The following TMEM65 variants were observed in gnomAD, a reference collection of about 807,000 sequenced individuals.
The protein encoded by TMEM65 is transmembrane protein 65.
TMEM65 carries 22 observed loss-of-function variants against 25.4 expected under a neutral mutation model. The ratio of observed to expected loss-of-function variants is 0.86; its 90% CI spans 0.62 to 1.23. The LOEUF (loss-of-function observed/expected upper bound fraction) is 1.23. TMEM65 is among the 50% of genes most tolerant of loss of function. TMEM65 has a pLI of 0.00. For synonymous variants in TMEM65, 132 were observed against 126.2 expected (o/e 1.05, Z -0.31); for missense variants, 262 against 308.2 (o/e 0.85, Z 1.12).
chr8:124,322,263 A>C, intron 4 of TMEM65, 116 bp from the exon 5 acceptor site: 1 of 700,754 alleles, frequency 1.4e-6, no homozygotes, highest in Non-Finnish European at 2.3e-6. Context: ...AACAGCAACC[A>C]TATCCAAAGT....
chr8:124,314,192 T>G, intron 6 of TMEM65, 131 bp from the exon 7 acceptor site: 1 of 702,658 alleles, frequency 1.4e-6, no homozygotes, highest in South Asian at 1.7e-5. Flanking sequence ...TCTTCAATAT[T>G]TATCCCTGTG....
intron 3 of TMEM65, among the ~76,000 whole-genome samples, chr8:124,327,026 C>T (rs1429431283): frequency 6.6e-6 from 1 of 151,986 alleles, no homozygotes; most frequent in Admixed American, 6.6e-5. Context: ...TAATTGCCAA[C>T]ACCATTAAAG....
Position 124,323,310 on chromosome 8 carries a change from C to G in TMEM65, c.472+11G>C. ...TACAATGAAATAATAACATTTACTA[C>G]TGTTAAATACCTGCCATAGTTGAAA... On this transcript the variant is annotated intron_variant, in intron 4 of 6. Transcript: ENST00000297632. 7.1e-7 allele frequency: 1 copy of G among 1,409,180 alleles called. No individual in the cohort carries two copies. Among genetic ancestry groups the G allele is most frequent in the South Asian group, 1.3e-5 (1 of 78,852 alleles). The allele number at this position is 1,409,180 out of a possible 1,614,324, so 87.3% of individuals were successfully genotyped here. A position where few individuals can be genotyped will look rare whatever the true frequency, so the allele number is the denominator to read the frequency against.
intron 1 of TMEM65, among the ~76,000 whole-genome samples, chr8:124,359,630 T>C (rs1814834405): frequency 6.6e-6 from 1 of 151,654 alleles, no homozygotes; most frequent in Non-Finnish European, 1.5e-5. Context: ...TGATCCCAGC[T>C]ACTCAAAAGG....
intron 1 of TMEM65, among the ~76,000 whole-genome samples, chr8:124,333,386 T>C (rs1181627449): frequency 6.6e-6 from 1 of 152,048 alleles, no homozygotes; most frequent in African/African-American, 2.4e-5. Context: ...TATCTACACT[T>C]ACATTGGAAA....
At chr8:124,342,609 T>A (rs775258893) in intron 1 of TMEM65, among the ~76,000 whole-genome samples, 1 of 152,152 alleles carries the variant, frequency 6.6e-6, no homozygotes, top group Non-Finnish European at 1.5e-5. Flanking sequence ...ATAAATCCAA[T>A]GTTAAGCATG....
At chr8:124,359,420 G>C (rs745369964) in intron 1 of TMEM65, among the ~76,000 whole-genome samples, 27 of 152,156 alleles carry the variant, frequency 1.8e-4, no homozygotes, top group Non-Finnish European at 3.2e-4. Flanking sequence ...TTGATGTGCA[G>C]AAGTTTCTAA....
At chr8:124,363,942 T>C (rs1243776550) in intron 1 of TMEM65, among the ~76,000 whole-genome samples, 1 of 150,596 alleles carries the variant, frequency 6.6e-6, no homozygotes, top group Non-Finnish European at 1.5e-5. Flanking sequence ...TATTATCTAG[T>C]ACAACTTTAG....
chr8:124,327,713 T>C (rs1007844023), intron 2 of TMEM65, among the ~76,000 whole-genome samples: 1 of 151,310 alleles, frequency 6.6e-6, no homozygotes, highest in African/African-American at 2.4e-5. Context: ...CACAAATATA[T>C]ACATACAATT....
intron 1 of TMEM65, among the ~76,000 whole-genome samples, chr8:124,344,877 G>A (rs796760976): frequency 8.5e-5 from 13 of 152,154 alleles, no homozygotes; most frequent in African/African-American, 2.9e-4. Flanking sequence ...AACATGAAGA[G>A]AACATAAACG....
At chr8:124,336,505 T>C (rs1231041702) in intron 1 of TMEM65, among the ~76,000 whole-genome samples, 1 of 151,950 alleles carries the variant, frequency 6.6e-6, no homozygotes, top group Non-Finnish European at 1.5e-5. Flanking sequence ...ATATGTTCTC[T>C]GACTATAATG....
intron 1 of TMEM65, among the ~76,000 whole-genome samples, chr8:124,362,309 A>C (rs1563600027): frequency 6.6e-6 from 1 of 152,114 alleles, no homozygotes; most frequent in African/African-American, 2.4e-5. Flanking sequence ...AAATGAAGGA[A>C]TTTTTTAAAA....
At chr8:124,365,872 C>CT (rs1814931698) in intron 1 of TMEM65, among the ~76,000 whole-genome samples, 2 of 152,160 alleles carry the variant, frequency 1.3e-5, no homozygotes, top group Non-Finnish European at 2.9e-5. Context: ...TTTGACAACT[C>CT]TAAGAGAATA....
rs571792120 is a variant in TMEM65 at position 124,366,426 on chromosome 8, C to T, written c.304+5428G>A. On this transcript the variant is annotated intron_variant, in intron 1 of 6. Transcript: ENST00000297632. ...CAAAGTACCAGACACATAAACAAAC[C>T]GATGTTGGACCTTCTGACCAGACCA... Among the ~76,000 whole-genome samples, 42 of 152,250 alleles carry T rather than the reference C, an allele frequency of 2.8e-4. No homozygotes were observed. In the South Asian group the frequency reaches 4.6e-3, roughly 17 times the overall value.
intron 1 of TMEM65, among the ~76,000 whole-genome samples, chr8:124,345,985 T>G (rs985943808): frequency 6.6e-6 from 1 of 152,212 alleles, no homozygotes; most frequent in African/African-American, 2.4e-5. Context: ...GACCTCGTGA[T>G]CCGTCTGCCT....
intron 1 of TMEM65, among the ~76,000 whole-genome samples, chr8:124,333,437 T>A (rs1814460343): frequency 6.6e-6 from 1 of 150,950 alleles, no homozygotes; most frequent in South Asian, 2.1e-4. Flanking sequence ...ACTATGGAGT[T>A]AAAACAGTTC....
chr8:124,362,611 A>G (rs1814882465), intron 1 of TMEM65, among the ~76,000 whole-genome samples: 1 of 135,370 alleles, frequency 7.4e-6, no homozygotes, highest in Admixed American at 8.8e-5. Flanking sequence ...GCAGTGAGCC[A>G]AGATCATGCT....
Position 124,372,210 on chromosome 8 carries a change from C to A in TMEM65, c.-53G>T. 1.6e-6 allele frequency: 2 copies of A among 1,229,924 alleles called. No homozygotes were observed. Among genetic ancestry groups the A allele is most frequent in the Non-Finnish European group, 2.0e-6 (2 of 978,096 alleles). 76.2% of individuals were successfully genotyped at this position (1,229,924 alleles called of 1,614,324 possible). On this transcript the variant is annotated 5_prime_UTR_variant, in exon 1 of 7. Transcript: ENST00000297632. ...GGCCGTCCGGCAAGGCGGTTTCTGG[C>A]GCGGCTGAGGCGAGAAGGAGCTGGG...
In TMEM65 at chr8:124,352,432, T is replaced by C. The variant is rs181989344; in HGVS notation, c.304+19422A>G. 1.5e-3 allele frequency among the ~76,000 whole-genome samples: 227 copies of C among 151,688 alleles called. 1 individual carries two copies. The highest frequency in any genetic ancestry group is 1.9e-3 in the Non-Finnish European group (126 of 67,936). On this transcript the variant is annotated intron_variant, in intron 1 of 6. Coordinates refer to ENST00000297632, the MANE Select transcript of TMEM65 (RefSeq NM_194291.3). ...ATCAAAGGAACAAGATTCTCTTTCT[T>C]AGAAGTCAAATGTTTTCCACTTAAA...
Sources: gnomAD v4.1 joint callset for allele counts (sites outside exome capture counted in the v4.1 genomes callset) on GRCh38, gnomAD v4.1.1 for gene constraint, MANE v1.5 for transcripts, NCBI Gene and HGNC (gene_info 2026-07-23, HGNC 2026-07-21) for gene names.